The following TSPAN2 variants were observed in gnomAD, a reference collection of about 807,000 sequenced individuals.
TSPAN2 encodes the protein tetraspanin 2, also known as tetraspanin-2.
A neutral mutation model predicts 33.3 loss-of-function variants in TSPAN2; 24 were observed. The ratio of observed to expected loss-of-function variants is 0.72; its 90% CI spans 0.52 to 1.01. The LOEUF is 1.01. Among genes scored for constraint, TSPAN2 ranks in the 50% least tolerant of loss-of-function variants. The pLI is 0.00. For missense variants in TSPAN2, 278 were observed against 281.3 expected (o/e 0.99, Z 0.08); for synonymous variants, 114 against 104.5 (o/e 1.09, Z -0.56).
intron 4 of TSPAN2, 137 bp from the exon 5 acceptor site, chr1:115,059,118 G>A (rs915375566): frequency 1.4e-6 from 1 of 701,254 alleles, no homozygotes; most frequent in Admixed American, 2.4e-5. Context: ...TGGACTTTGG[G>A]GACTCAGGGG....
intron 1 of TSPAN2, among the ~76,000 whole-genome samples, chr1:115,076,355 T>A (rs1648412822): frequency 3.3e-5 from 5 of 152,018 alleles, no homozygotes; most frequent in Admixed American, 3.3e-4. Context: ...TTTGCTACCA[T>A]CTTGGAAAGC....
At position 115,079,468 on chromosome 1, in the gene TSPAN2, A is replaced by G. The variant is rs1286356; in HGVS notation, c.70-6461T>C. On this transcript the variant is annotated intron_variant, in intron 1 of 7. Coordinates refer to ENST00000369516, the MANE Select transcript of TSPAN2 (RefSeq NM_005725.6). Reference sequence around the variant, plus strand: ...ACCCTCTTAGCAGGCAAAAGTCAGAAGCACATTTGCTCTGGAAGATGATCT... The same window carrying G: ...ACCCTCTTAGCAGGCAAAAGTCAGAGGCACATTTGCTCTGGAAGATGATCT... Among the ~76,000 whole-genome samples, 1,487 of 152,348 alleles carry G rather than the reference A, an allele frequency of 9.8e-3. 28 individuals are homozygous for G. Among genetic ancestry groups the G allele is most frequent in the African/African-American group, 0.034 (1,416 of 41,580 alleles).
chr1:115,089,327 C>T (rs1263557629), intron 1 of TSPAN2, 37 bp downstream of exon 1: 1 of 1,535,602 alleles, frequency 6.5e-7, no homozygotes. Flanking sequence ...CCACCCGGCC[C>T]CCTGCCCTGA....
At position 115,087,570 on chromosome 1, in the gene TSPAN2, C is replaced by T. The variant is rs550490294; in HGVS notation, c.69+1794G>A. On this transcript the variant is annotated intron_variant, in intron 1 of 7. Coordinates refer to ENST00000369516, the MANE Select transcript of TSPAN2 (RefSeq NM_005725.6). ...GGTGGAGCTTGCAGTGAGTGGAGAT[C>T]GGGCCACTGCACTCCAGCCTGGGCT... Among the ~76,000 whole-genome samples the T allele has an allele frequency of 2.5e-3, 342 of 135,634 alleles. 2 individuals are homozygous for T. Among genetic ancestry groups the T allele is most frequent in the Non-Finnish European group, 3.4e-3 (226 of 65,940 alleles). 89.0% of individuals were successfully genotyped at this position (135,634 alleles called of 152,430 possible). A position where few individuals can be genotyped will look rare whatever the true frequency, so the allele number is the denominator to read the frequency against.
chr1:115,070,454 C>T (rs1648123814), intron 2 of TSPAN2, among the ~76,000 whole-genome samples: 1 of 149,944 alleles, frequency 6.7e-6, no homozygotes, highest in Non-Finnish European at 1.5e-5. Context: ...CAGTGCAGAT[C>T]ATACCCTACC....
At chr1:115,088,777 AG>A (rs1197668314) in intron 1 of TSPAN2, among the ~76,000 whole-genome samples, 1 of 139,896 alleles carries the variant, frequency 7.1e-6, no homozygotes, top group East Asian at 2.0e-4. Context: ...CCTCTCACCC[AG>A]GGGTACTCTT....
At chr1:115,082,118 G>A (rs1355864060) in intron 1 of TSPAN2, among the ~76,000 whole-genome samples, 1 of 152,200 alleles carries the variant, frequency 6.6e-6, no homozygotes, top group African/African-American at 2.4e-5. Context: ...CCAGCGTTGT[G>A]GCCACTAGGC....
rs1648977481 is a variant in TSPAN2, at chr1:115,089,500, C to A, written c.-68G>T. 2.0e-6 allele frequency: 2 copies of A among 1,002,836 alleles called. No individual in the cohort carries two copies. Among genetic ancestry groups the A allele is most frequent in the Non-Finnish European group, 2.5e-6 (2 of 798,718 alleles). 62.1% of individuals were successfully genotyped at this position (1,002,836 alleles called of 1,614,324 possible). A position where few individuals can be genotyped will look rare whatever the true frequency, so the allele number is the denominator to read the frequency against. ...TACGAGCGCGGGGAGCGGCAGGCTC[C>A]GGCGGGGAGGGGGCGGAGCGGGGAG... On this transcript the variant is annotated 5_prime_UTR_variant, in exon 1 of 8. Transcript: ENST00000369516.
intron 6 of TSPAN2, 39 bp from the exon 7 acceptor site, chr1:115,053,501 G>A (rs779266032): frequency 2.0e-5 from 30 of 1,519,950 alleles, no homozygotes; most frequent in Admixed American, 5.0e-5. Context: ...AAAACTGATT[G>A]TATGTGTCAG....
intron 7 of TSPAN2, among the ~76,000 whole-genome samples, chr1:115,052,365 A>G (rs1397490035): frequency 6.6e-6 from 1 of 152,226 alleles, no homozygotes; most frequent in Non-Finnish European, 1.5e-5. Context: ...ATAGAGGGCT[A>G]GAGACTAAGT....
chr1:115,050,740 T>C (rs1357486413), intron 7 of TSPAN2, among the ~76,000 whole-genome samples, 185 bp from the exon 8 acceptor site: 1 of 152,186 alleles, frequency 6.6e-6, no homozygotes. Context: ...AGATTAACTG[T>C]TTAAATGTGT....
At position 115,053,313 on chromosome 1, in the gene TSPAN2, G is replaced by A. The variant is rs554856430; in HGVS notation, c.600+66C>T. 3.3e-5 allele frequency: 47 copies of A among 1,419,648 alleles called. No homozygotes were observed. In the Middle Eastern group the frequency reaches 5.3e-4, roughly 16 times the overall value. The allele number at this position is 1,419,648 out of a possible 1,614,324, so 87.9% of individuals were successfully genotyped here. Reference sequence around the variant, plus strand: ...CTTAAGATACTATCACACTTGAAAAGAAATAAGATGCAAAGTTTCAAGGCT... The same window carrying A: ...CTTAAGATACTATCACACTTGAAAAAAAATAAGATGCAAAGTTTCAAGGCT... On this transcript the variant is annotated intron_variant, in intron 7 of 7. Transcript: ENST00000369516.
rs571930393 is a variant in TSPAN2, at chr1:115,088,521, T to C, written c.69+843A>G. Among the ~76,000 whole-genome samples, 4 of 152,284 alleles carry C rather than the reference T, an allele frequency of 2.6e-5. No homozygotes were observed. In the South Asian group the frequency reaches 8.3e-4, roughly 32 times the overall value. ...CCCTGGGACAGGGTATCCAGGGATG[T>C]AGGTCTGGTCTAGCTGTATCCCTGT... is the stretch of plus-strand genomic sequence containing the variant. On this transcript the variant is annotated intron_variant, in intron 1 of 7. Coordinates refer to ENST00000369516, the MANE Select transcript of TSPAN2 (RefSeq NM_005725.6).
At chr1:115,071,737 T>C (rs547079959) in intron 2 of TSPAN2, among the ~76,000 whole-genome samples, 15 of 152,306 alleles carry the variant, frequency 9.8e-5, no homozygotes, top group Middle Eastern at 3.4e-3. Context: ...TATCCATCTT[T>C]AGTAGGTTTT....
Position 115,060,524 on chromosome 1 carries a change from G to A in TSPAN2, c.285C>T (p.Leu95=), listed in dbSNP as rs760825187. 3.1e-6 allele frequency: 5 copies of A among 1,613,314 alleles called. No homozygotes were observed. The highest frequency in any genetic ancestry group is 2.2e-5 in the South Asian group (2 of 90,906). Residue 95 remains leucine (L), a synonymous_variant, in exon 4 of 8, where the codon CTC becomes CTT. Coordinates refer to ENST00000369516, the MANE Select transcript of TSPAN2 (RefSeq NM_005725.6). ...TTACTTCAGCAGCAAATATCACCAG[G>A]AGGCAGGTAAAAAACTGTAGAGGAG... ...QCVLGSFFTC[L]LVIFAAEVTT...
chr1:115,077,427 G>T (rs535023287), intron 1 of TSPAN2, among the ~76,000 whole-genome samples: 1 of 152,278 alleles, frequency 6.6e-6, no homozygotes, highest in East Asian at 1.9e-4. Context: ...TATGGTTATA[G>T]TACGTATTGT....
intron 2 of TSPAN2, among the ~76,000 whole-genome samples, chr1:115,064,650 GA>G (rs1647871588): frequency 1.3e-5 from 2 of 152,222 alleles, no homozygotes; most frequent in Non-Finnish European, 2.9e-5. Flanking sequence ...TGGATTAGTA[GA>G]TAAGACAGAG....
Position 115,050,511 on chromosome 1 carries a change from T to A in TSPAN2, c.645A>T (p.Arg215=), listed in dbSNP as rs1349176349. Residue 215 remains arginine, a synonymous_variant, in exon 8 of 8, where the codon CGA becomes CGT. Transcript: ENST00000369516. The part of the protein sequence containing the change: ...IFSMVLCCAI[R]NSRDVI ...AGCTTCATATCACATCTCGTGAGTT[T>A]CGTATCGCACAGCAGAGGACCATGC... is the stretch of plus-strand genomic sequence containing the variant. 6.2e-7 allele frequency: 1 copy of A among 1,614,068 alleles called. No individual in the cohort carries two copies. Among genetic ancestry groups the A allele is most frequent in the East Asian group, 2.2e-5 (1 of 44,874 alleles).
rs963807652 is a variant in TSPAN2 at position 115,089,322 on chromosome 1, C to T, written c.69+42G>A. ...GGACCCCGGCCCCGCGCCCGCCACC[C>T]GGCCCCCTGCCCTGACCGGCCCTCC... On this transcript the variant is annotated intron_variant, in intron 1 of 7. Coordinates refer to ENST00000369516, the MANE Select transcript of TSPAN2 (RefSeq NM_005725.6). 2.0e-6 allele frequency: 3 copies of T among 1,497,580 alleles called. No homozygotes were observed. The African/African-American group carries it at 4.2e-5, about 21-fold the overall frequency. 92.8% of individuals were successfully genotyped at this position (1,497,580 alleles called of 1,614,324 possible). A position where few individuals can be genotyped will look rare whatever the true frequency, so the allele number is the denominator to read the frequency against.
Sources: allele counts gnomAD v4.1 joint callset (sites outside exome capture counted in the v4.1 genomes callset), GRCh38; gene constraint gnomAD v4.1.1; transcripts MANE v1.5; gene names NCBI Gene and HGNC (gene_info 2026-07-23, HGNC 2026-07-21).